Variants in SMIM14 observed in about 807,000 individuals in gnomAD.
The protein encoded by SMIM14 is chromosome 4 open reading frame 34.
A neutral mutation model predicts 12.6 loss-of-function variants in SMIM14; 5 were observed. That is an observed-to-expected ratio of 0.40 (90% CI 0.21 to 0.83). SMIM14 has a LOEUF of 0.83. SMIM14 is among the 40% of genes least tolerant of loss of function. The pLI, the probability that SMIM14 is intolerant of heterozygous loss-of-function variation, is 0.37. For synonymous variants in SMIM14, 30 were observed against 40.1 expected, an observed-to-expected ratio of 0.75 and a Z score of 0.95; for missense variants, 86 against 119.1, an observed-to-expected ratio of 0.72 and a Z score of 1.29.
At position 39,580,129 on chromosome 4, in the gene SMIM14, GACAA is replaced by G. The variant is rs370824166; in HGVS notation, c.76-7670_76-7667del. ...CATTCAACAGAGCTGCCAATGAACT[GACAA>G]ACAGTGAGGTACAAAAATGTGGTTA... On this transcript the variant is annotated intron_variant, in intron 2 of 4. Coordinates refer to ENST00000295958, the MANE Select transcript of SMIM14 (RefSeq NM_174921.3). 2.4e-3 allele frequency among the ~76,000 whole-genome samples: 364 copies of G among 152,256 alleles called. 2 individuals are homozygous for G. The highest frequency in any genetic ancestry group is 8.5e-3 in the African/African-American group (352 of 41,554).
intron 1 of SMIM14, 46 bp downstream of exon 1, chr4:39,638,693 G>A: frequency 7.1e-6 from 7 of 985,284 alleles, no homozygotes; most frequent in Non-Finnish European, 7.2e-6. Context: ...TGGGGCGAGG[G>A]GAGGGTGAGC....
chr4:39,598,632 A>G (rs1714472319), intron 2 of SMIM14, among the ~76,000 whole-genome samples: 3 of 152,308 alleles, frequency 2.0e-5, no homozygotes, highest in Middle Eastern at 3.4e-3. Context: ...ATAAACGTTC[A>G]CAGTTGAGCC....
At chr4:39,553,676 C>A (rs1711854321) in intron 4 of SMIM14, among the ~76,000 whole-genome samples, 1 of 151,686 alleles carries the variant, frequency 6.6e-6, no homozygotes, top group African/African-American at 2.4e-5. Flanking sequence ...TCACTGCAAC[C>A]TCCACCTTCT....
chr4:39,610,711 A>G (rs1162059474), intron 1 of SMIM14, among the ~76,000 whole-genome samples: 1 of 151,952 alleles, frequency 6.6e-6, no homozygotes, highest in Non-Finnish European at 1.5e-5. Flanking sequence ...AAAAAAAAAA[A>G]ACTGAAAGAA....
Position 39,548,748 on chromosome 4 carries a change from G to A in SMIM14, c.*3378C>T, listed in dbSNP as rs1051738668. ...ATGTATAGTACACTGTCTAAGGAATGCAGAGAAATTTTACAAGAAACCCAA... is the reference window on the plus strand; with the variant it reads ...ATGTATAGTACACTGTCTAAGGAATACAGAGAAATTTTACAAGAAACCCAA... On this transcript the variant is annotated 3_prime_UTR_variant, in exon 5 of 5. Transcript: ENST00000295958. 2 of 152,290 alleles carry A rather than the reference G, an allele frequency of 1.3e-5. No homozygotes were observed. Among genetic ancestry groups the A allele is most frequent in the South Asian group, 4.1e-4 (2 of 4,820 alleles). The allele number at this position is 152,290 out of a possible 1,614,324, so 9.4% of individuals were successfully genotyped here.
In SMIM14 at chr4:39,550,503, A is replaced by G. The variant is rs1711616485; in HGVS notation, c.*1623T>C. 1 of 152,226 alleles carries G rather than the reference A, an allele frequency of 6.6e-6. No homozygotes were observed. The highest frequency in any genetic ancestry group is 2.4e-5 in the African/African-American group (1 of 41,452). The allele number at this position is 152,226 out of a possible 1,614,324, so 9.4% of individuals were successfully genotyped here. On this transcript the variant is annotated 3_prime_UTR_variant, in exon 5 of 5. Coordinates refer to ENST00000295958, the MANE Select transcript of SMIM14 (RefSeq NM_174921.3). ...CACCATGTTGGTCAGGCTGGTCTCG[A>G]ACTCCTGACCTCAGGTGATTCGCCT...
chr4:39,569,186 C>T (rs1712735325), intron 3 of SMIM14, among the ~76,000 whole-genome samples: 1 of 152,190 alleles, frequency 6.6e-6, no homozygotes, highest in African/African-American at 2.4e-5. Flanking sequence ...GGAACCACCA[C>T]CCATTGTCCT....
intron 1 of SMIM14, among the ~76,000 whole-genome samples, chr4:39,622,810 A>C (rs1715553853): frequency 6.6e-6 from 1 of 152,232 alleles, no homozygotes; most frequent in Non-Finnish European, 1.5e-5. Flanking sequence ...TTTACTTTTC[A>C]CTTTGTACAG....
chr4:39,614,465 T>G (rs1715148518), intron 1 of SMIM14, among the ~76,000 whole-genome samples: 1 of 151,666 alleles, frequency 6.6e-6, no homozygotes, highest in African/African-American at 2.4e-5. Flanking sequence ...GGATTACAGG[T>G]GTGTGCCACC....
At chr4:39,622,069 T>C (rs757862127) in intron 1 of SMIM14, among the ~76,000 whole-genome samples, 1 of 152,068 alleles carries the variant, frequency 6.6e-6, no homozygotes, top group Non-Finnish European at 1.5e-5. Context: ...ACATAGCAAA[T>C]GCACTTTTTT....
chr4:39,601,946 T>TCAAAAA lies in SMIM14; in HGVS notation c.75+3124_75+3125insTTTTTG, dbSNP rs200465052. On this transcript the variant is annotated intron_variant, in intron 2 of 4. Coordinates refer to ENST00000295958, the MANE Select transcript of SMIM14 (RefSeq NM_174921.3). ...TGGGGGAAAAGAATAAGACCCTATC[T>TCAAAAA]TAAAAAAAAAAAACAAAAAAAATGC... Among the ~76,000 whole-genome samples, 2 of 77,282 alleles carry TCAAAAA rather than the reference T, an allele frequency of 2.6e-5. 1 individual carries two copies. The highest frequency in any genetic ancestry group is 5.4e-5 in the Non-Finnish European group (2 of 37,040). The allele number at this position is 77,282 out of a possible 152,430, so 50.7% of individuals were successfully genotyped here.
chr4:39,579,800 TG>T (rs1578328665), intron 2 of SMIM14, among the ~76,000 whole-genome samples: 1 of 140,680 alleles, frequency 7.1e-6, no homozygotes, highest in African/African-American at 2.7e-5. Context: ...GCCGAGACCA[TG>T]CCACTGTACT....
intron 1 of SMIM14, among the ~76,000 whole-genome samples, chr4:39,630,274 T>C (rs1296449834): frequency 6.6e-6 from 1 of 152,098 alleles, no homozygotes; most frequent in Non-Finnish European, 1.5e-5. Flanking sequence ...GCATGTGCCT[T>C]CTTATGTAGT....
intron 1 of SMIM14, among the ~76,000 whole-genome samples, chr4:39,618,658 A>AC (rs1440874431): frequency 6.6e-6 from 1 of 150,834 alleles, no homozygotes. Context: ...TCAAAAAAAA[A>AC]AAAAAACAAA....
At chr4:39,634,280 C>T (rs551658735) in intron 1 of SMIM14, among the ~76,000 whole-genome samples, 28 of 152,258 alleles carry the variant, frequency 1.8e-4, no homozygotes, top group Admixed American at 1.4e-3. Flanking sequence ...AAAAGACCAA[C>T]AAAACAACGG....
chr4:39,619,482 ATATCAATAAATATAATTTATTC>A (rs1715363899), intron 1 of SMIM14, among the ~76,000 whole-genome samples: 1 of 86,874 alleles, frequency 1.2e-5, no homozygotes, highest in African/African-American at 5.4e-5. Context: ...AATTTATTCT[ATATCAATAAATATAATTTATTC>A]TATATCAATA....
chr4:39,568,583 G>C (rs1484526381), intron 3 of SMIM14, among the ~76,000 whole-genome samples: 2 of 152,030 alleles, frequency 1.3e-5, no homozygotes, highest in Non-Finnish European at 2.9e-5. Context: ...TTTCTTCAAG[G>C]CTTATTTCAA....
At chr4:39,622,240 T>C (rs1715526815) in intron 1 of SMIM14, among the ~76,000 whole-genome samples, 1 of 147,930 alleles carries the variant, frequency 6.8e-6, no homozygotes, top group Non-Finnish European at 1.5e-5. Context: ...CCCGCCATCG[T>C]GCCCAGCTAA....
chr4:39,616,375 AC>A (rs146828929), intron 1 of SMIM14, among the ~76,000 whole-genome samples: 15,236 of 152,096 alleles, frequency 0.1, 1,001 homozygotes, highest in South Asian at 0.22. Context: ...GCCTCTAGTG[AC>A]CTGCTCCCTC....
Sources: allele counts gnomAD v4.1 joint callset (sites outside exome capture counted in the v4.1 genomes callset), GRCh38; gene constraint gnomAD v4.1.1; transcripts MANE v1.5; gene names NCBI Gene and HGNC (gene_info 2026-07-23, HGNC 2026-07-21).